The following ZFHX3 variants were observed in gnomAD, a reference collection of about 807,000 sequenced individuals.
ZFHX3 encodes zinc finger homeobox 3.
ZFHX3 carries 42 observed loss-of-function variants against 279.1 expected under a neutral mutation model. The ratio of observed to expected loss-of-function variants is 0.15; its 90% confidence interval spans 0.12 to 0.19. ZFHX3 has a LOEUF of 0.19. Ranked by LOEUF, ZFHX3 falls within the 10% of genes least tolerant of loss-of-function variation. ZFHX3 has a pLI of 1.00. For synonymous variants in ZFHX3, 2,293 were observed against 1,957.8 expected (o/e 1.17, Z -4.52); for missense variants, 4,981 against 4,754.0 (o/e 1.05, Z -1.40).
exon 1 of ZFHX3, chr16:73,059,082 TG>T (rs1965639415): frequency 1.3e-5 from 2 of 152,870 alleles, no homozygotes; most frequent in African/African-American, 4.9e-5. Flanking sequence ...AAAAAATGGC[TG>T]TGATTAATTC....
intron 2 of ZFHX3, among the ~76,000 whole-genome samples, chr16:73,673,415 G>C (rs1242150734): frequency 1.3e-5 from 2 of 151,914 alleles, no homozygotes; most frequent in African/African-American, 4.8e-5. Flanking sequence ...ATCACACACA[G>C]AGAGAAGATA....
chr16:72,875,774 C>T (rs2038294181), intron 4 of ZFHX3, among the ~76,000 whole-genome samples: 1 of 152,174 alleles, frequency 6.6e-6, no homozygotes, highest in Non-Finnish European at 1.5e-5. Context: ...AATTTCAAGC[C>T]TTTGTAAGAA....
At position 72,786,504 on chromosome 16, in the gene ZFHX3, A is replaced by C. The variant is rs1217175187; in HGVS notation, c.*660T>G. ...AAGCTATCCTTAAAAATCCCCAGAA[A>C]GCTAAAGCAGTTCACATTGTTTTTC... On this transcript the variant is annotated 3_prime_UTR_variant, in exon 10 of 10. Coordinates refer to ENST00000268489, the MANE Select transcript of ZFHX3 (RefSeq NM_006885.4). 1.3e-5 allele frequency: 2 copies of C among 151,174 alleles called. No homozygotes were observed. The highest frequency in any genetic ancestry group is 4.9e-5 in the African/African-American group (2 of 41,158). 9.4% of individuals were successfully genotyped at this position (151,174 alleles called of 1,614,324 possible).
intron 5 of ZFHX3, among the ~76,000 whole-genome samples, chr16:73,196,029 A>T (rs1968141055): frequency 6.6e-6 from 1 of 152,244 alleles, no homozygotes; most frequent in Admixed American, 6.5e-5. Context: ...TTAATGAAAC[A>T]GAAACAAAGA....
chr16:73,436,025 G>T (rs1281851228), intron 3 of ZFHX3, among the ~76,000 whole-genome samples: 1 of 152,192 alleles, frequency 6.6e-6, no homozygotes. Flanking sequence ...CTGAGACTGG[G>T]TAATTTATAA....
intron 3 of ZFHX3, among the ~76,000 whole-genome samples, chr16:72,895,519 T>C (rs980734391): frequency 7.9e-5 from 12 of 152,214 alleles, no homozygotes; most frequent in Non-Finnish European, 2.9e-5. Flanking sequence ...CCAACTCACT[T>C]GCTTGTTTAG....
In ZFHX3 at chr16:73,358,556, C is replaced by A. The variant is rs951074336; in HGVS notation, c.-1290-40220G>T. Among the ~76,000 whole-genome samples the A allele has an allele frequency of 3.3e-5, 5 of 152,222 alleles. No individual in the cohort carries two copies. The South Asian group carries it at 1.0e-3, about 31-fold the overall frequency. ...AACCTTGTGAGGAACCCAAGCTAAG[C>A]TGTGCCCAGATTCCTGCCCTGTAGA... is the stretch of plus-strand genomic sequence containing the variant. On this transcript the variant is annotated intron_variant, in intron 3 of 17. Coordinates refer to the ZFHX3 transcript ENST00000641206.
intron 7 of ZFHX3, among the ~76,000 whole-genome samples, chr16:72,803,497 T>A (rs1299593871): frequency 2.0e-5 from 3 of 152,192 alleles, no homozygotes; most frequent in Non-Finnish European, 4.4e-5. Flanking sequence ...CTCAAATAAC[T>A]GGTCCTACCA....
intron 4 of ZFHX3, among the ~76,000 whole-genome samples, chr16:73,289,411 C>T (rs1344280796): frequency 6.6e-6 from 1 of 152,050 alleles, no homozygotes; most frequent in Admixed American, 6.6e-5. Flanking sequence ...TGACTCAAAA[C>T]AGCATCTTCA....
intron 2 of ZFHX3, among the ~76,000 whole-genome samples, chr16:73,606,180 TAAAAAAAAAAAAAAA>T (rs35080897): frequency 2.8e-5 from 1 of 35,196 alleles, no homozygotes; most frequent in African/African-American, 1.5e-4. Context: ...AGGCTCCATC[TAAAAAAAAAAAAAAA>T]AAAAAAAAAA....
intron 3 of ZFHX3, among the ~76,000 whole-genome samples, chr16:73,395,523 G>A (rs991486651): frequency 2.2e-4 from 34 of 151,684 alleles, no homozygotes; most frequent in East Asian, 1.9e-4. Context: ...ACCCTGCACC[G>A]TGCTCTGCTT....
At chr16:73,015,083 G>C (rs1188256774) in intron 1 of ZFHX3, 2 of 117,704 alleles carry the variant, frequency 1.7e-5, no homozygotes, top group Non-Finnish European at 3.3e-5. Context: ...GTCTCACTCT[G>C]TCTCTCAAGC....
intron 3 of ZFHX3, among the ~76,000 whole-genome samples, chr16:73,353,821 C>T (rs1391417336): frequency 2.6e-5 from 4 of 152,102 alleles, no homozygotes; most frequent in Admixed American, 6.5e-5. Context: ...AAGATAAATA[C>T]GTTATTAATA....
chr16:73,271,363 G>T (rs538553594), intron 4 of ZFHX3, among the ~76,000 whole-genome samples: 26 of 152,282 alleles, frequency 1.7e-4, no homozygotes, highest in African/African-American at 5.1e-4. Context: ...GCACCCACTG[G>T]CAGGTCACAC....
rs961590879 is a variant in ZFHX3 at position 72,960,205 on chromosome 16, G to A, written c.-49-11C>T. ...TACGGAGGCTCGGACCTGAAGGGCA[G>A]AGGCAAGGGGGGAGGAGGGAGAGAG... On this transcript the variant is annotated splice_polypyrimidine_tract_variant and intron_variant, in intron 1 of 9. Transcript: ENST00000268489. 6.7e-7 allele frequency: 1 copy of A among 1,487,952 alleles called. No individual in the cohort carries two copies. The highest frequency in any genetic ancestry group is 8.9e-7 in the Non-Finnish European group (1 of 1,118,072). The allele number at this position is 1,487,952 out of a possible 1,614,324, so 92.2% of individuals were successfully genotyped here.
At chr16:73,880,074 AT>A (rs1336744825) in intron 1 of ZFHX3, among the ~76,000 whole-genome samples, 1 of 152,198 alleles carries the variant, frequency 6.6e-6, no homozygotes, top group Non-Finnish European at 1.5e-5. Flanking sequence ...AACAATCTCC[AT>A]TCTACACGTT....
chr16:73,294,215 G>C (rs1433558185), intron 4 of ZFHX3: 1 of 152,144 alleles, frequency 6.6e-6, no homozygotes, highest in African/African-American at 2.4e-5. Flanking sequence ...AAGTGAGTCT[G>C]TCCTTGAGAG....
chr16:73,728,287 C>A (rs1370303802), intron 1 of ZFHX3, among the ~76,000 whole-genome samples: 2 of 152,088 alleles, frequency 1.3e-5, no homozygotes, highest in Non-Finnish European at 1.5e-5. Context: ...CAAGGAGAGG[C>A]CTCAGAATCA....
At chr16:73,513,369 A>G (rs1012130687) in intron 2 of ZFHX3, among the ~76,000 whole-genome samples, 1 of 152,184 alleles carries the variant, frequency 6.6e-6, no homozygotes, top group Non-Finnish European at 1.5e-5. Context: ...GAGAAGCTCC[A>G]GAACAGGAGG....
Sources: allele counts gnomAD v4.1 joint callset (sites outside exome capture counted in the v4.1 genomes callset), GRCh38; gene constraint gnomAD v4.1.1; transcripts MANE v1.5; gene names NCBI Gene and HGNC (gene_info 2026-07-23, HGNC 2026-07-21).